Variants in ACACA observed in about 807,000 individuals in gnomAD.
ACACA encodes acetyl-CoA carboxylase 1.
A neutral mutation model predicts 296.1 loss-of-function variants in ACACA; 103 were observed. The observed-to-expected ratio is 0.35, with a 90% CI of 0.30 to 0.41. The LOEUF (loss-of-function observed/expected upper bound fraction) is 0.41, where lower values mean the gene tolerates loss of function less well. Among genes scored for constraint, ACACA ranks in the 10% least tolerant of loss-of-function variants. The pLI, the probability that ACACA is intolerant of heterozygous loss-of-function variation, is 1.00. For synonymous variants in ACACA, 953 were observed against 1,038.6 expected (o/e 0.92, Z 1.58); for missense variants, 1,554 against 2,989.7 (o/e 0.52, Z 11.20).
At chr17:37,323,102 G>A (rs2047431393) in intron 3 of ACACA, among the ~76,000 whole-genome samples, 1 of 152,240 alleles carries the variant, frequency 6.6e-6, no homozygotes, top group Non-Finnish European at 1.5e-5. Flanking sequence ...TGCTCACTTG[G>A]GCTTTCAGAG....
intron 32 of ACACA, among the ~76,000 whole-genome samples, 192 bp downstream of exon 32, chr17:37,206,590 GT>G (rs922612705): frequency 2.6e-5 from 4 of 151,814 alleles, no homozygotes; most frequent in Non-Finnish European, 5.9e-5. Flanking sequence ...AATTAATATA[GT>G]TTTTTTAAGT....
chr17:37,257,394 T>C (rs930930322), intron 14 of ACACA, among the ~76,000 whole-genome samples: 2 of 152,110 alleles, frequency 1.3e-5, no homozygotes, highest in Non-Finnish European at 2.9e-5. Context: ...CTCCCCTCAA[T>C]AACAATACTG....
At chr17:37,100,559 T>C (rs1337489465) in intron 52 of ACACA, among the ~76,000 whole-genome samples, 1 of 141,082 alleles carries the variant, frequency 7.1e-6, no homozygotes, top group Non-Finnish European at 1.5e-5. Flanking sequence ...CAGTCCAGAT[T>C]AAAAGAGACC....
intron 3 of ACACA, among the ~76,000 whole-genome samples, chr17:37,309,384 A>G (rs1462294400): frequency 1.3e-5 from 2 of 152,322 alleles, no homozygotes; most frequent in Non-Finnish European, 2.9e-5. Flanking sequence ...GTATACAGCT[A>G]TAAACAAAAT....
intron 2 of ACACA, among the ~76,000 whole-genome samples, chr17:37,338,330 T>C (rs990591756): frequency 2.0e-5 from 3 of 150,928 alleles, no homozygotes; most frequent in African/African-American, 7.3e-5. Flanking sequence ...AAGTTCAAGA[T>C]CAGCCTGCCC....
At chr17:37,111,408 G>A in intron 52 of ACACA, 123 bp downstream of exon 52, 1 of 783,890 alleles carries the variant, frequency 1.3e-6, no homozygotes. Context: ...ATAGAGGACA[G>A]TAAATAAAGA....
intron 19 of ACACA, among the ~76,000 whole-genome samples, chr17:37,245,740 C>A (rs918954442): frequency 4.6e-5 from 7 of 152,146 alleles, no homozygotes; most frequent in African/African-American, 1.7e-4. Context: ...TTGCTACATA[C>A]CTCCCTCAAG....
At chr17:37,140,550 A>G (rs1366023931) in intron 45 of ACACA, 2 of 153,616 alleles carry the variant, frequency 1.3e-5, no homozygotes, top group Non-Finnish European at 1.5e-5. Flanking sequence ...TTCTACTTAA[A>G]AAAAACAAGC....
rs2074097504 is a variant in ACACA at position 37,113,711 on chromosome 17, G to GGA, written c.6275-447_6275-446insTC. Among the ~76,000 whole-genome samples, 1 of 152,160 alleles carries GGA rather than the reference G, an allele frequency of 6.6e-6. No individual in the cohort carries two copies. The highest frequency in any genetic ancestry group is 1.5e-5 in the Non-Finnish European group (1 of 68,032). The stretch of plus-strand genomic sequence containing the variant: ...TTAGCATAGGATGAGCTCTTCAAAT[G>GGA]TGCACCTAATGGAAATTGATCCTTT... On this transcript the variant is annotated intron_variant, in intron 50 of 55. Coordinates refer to ENST00000616317, the MANE Select transcript of ACACA (RefSeq NM_198834.3). This position sits in a 1 kb window ranked among gnomAD's most constrained non-coding sequence, Gnocchi z 4.0.
At chr17:37,151,206 C>T (rs2076025219) in intron 44 of ACACA, 95 bp downstream of exon 44, 6 of 1,382,048 alleles carry the variant, frequency 4.3e-6, no homozygotes, top group Non-Finnish European at 6.1e-6. Flanking sequence ...TCAAGAAATG[C>T]TCTCATTTGG....
At chr17:37,266,498 T>C (rs866695546) in intron 10 of ACACA, among the ~76,000 whole-genome samples, 2 of 152,030 alleles carry the variant, frequency 1.3e-5, no homozygotes, top group Non-Finnish European at 2.9e-5. Context: ...TAGAAGCATC[T>C]TTCTAGCTGA....
intron 45 of ACACA, among the ~76,000 whole-genome samples, chr17:37,141,818 A>C (rs1176486878): frequency 1.3e-5 from 2 of 151,468 alleles, no homozygotes; most frequent in Non-Finnish European, 2.9e-5. Flanking sequence ...CAGCCTCCTG[A>C]GTAGCTGGGA....
Position 37,277,066 on chromosome 17 carries a change from C to G in ACACA, c.769G>C (p.Glu257Gln), listed in dbSNP as rs1361322688. 6.2e-7 allele frequency: 1 copy of G among 1,613,980 alleles called. No homozygotes were observed. Among genetic ancestry groups the G allele is most frequent in the East Asian group, 2.2e-5 (1 of 44,888 alleles). Residue 257 changes from glutamate to glutamine, a missense_variant, in exon 7 of 56, where the codon GAA (glutamate) becomes CAA (glutamine). By Grantham distance (29) the Glu-to-Gln change is conservative. Around this residue, in one of 16 missense-constraint regions of ACACA, gnomAD observed 29 missense variants for 90.3 expected, o/e 0.32. Transcript: ENST00000616317. The stretch of plus-strand genomic sequence containing the variant: ...GCAATGCCATTTTTCAAGAGAAGTT[C>G]CGGTAGTTTGGGATTCTCAGAAGCA... ...GHASENPKLPELLLKNGIAFM... is the reference protein window; with the variant it reads ...GHASENPKLPQLLLKNGIAFM...
intron 25 of ACACA, among the ~76,000 whole-genome samples, chr17:37,232,664 C>A (rs1441957163): frequency 2.0e-5 from 3 of 152,160 alleles, no homozygotes; most frequent in African/African-American, 7.2e-5. Context: ...ATATCATTAA[C>A]TTCTTGATTT....
At chr17:37,403,416 G>A (rs757706997) in intron 1 of ACACA, among the ~76,000 whole-genome samples, 6 of 147,230 alleles carry the variant, frequency 4.1e-5, no homozygotes, top group Non-Finnish European at 7.4e-5. Flanking sequence ...CTGTCACCTA[G>A]GCTGGAGTGC....
At chr17:37,268,758 T>TATATAG (rs745806560) in intron 10 of ACACA, among the ~76,000 whole-genome samples, 1 of 146,122 alleles carries the variant, frequency 6.8e-6, no homozygotes, top group Non-Finnish European at 1.5e-5. Flanking sequence ...TATATATATA[T>TATATAG]ATATATATAT....
chr17:37,336,552 G>C (rs2048127876), intron 2 of ACACA, among the ~76,000 whole-genome samples: 1 of 152,146 alleles, frequency 6.6e-6, no homozygotes. Flanking sequence ...TCTGTTGCCT[G>C]ACAGCACAGC....
rs1476009143 is a variant in ACACA, at chr17:37,161,998, C to T, written c.5132G>A (p.Gly1711Asp). The T allele has an allele frequency of 1.2e-6, 2 of 1,614,158 alleles. No homozygotes were observed. Among genetic ancestry groups the T allele is most frequent in the Non-Finnish European group, 1.7e-6 (2 of 1,180,022 alleles). ...ATTGCCAATAACAATGATATCTCGG[C>T]CTTCTGGATATTCAGGACTTTTAAA... ...MTFKSPEYPE[G>D]RDIIVIGNDI... Residue 1711 changes from glycine (G) to aspartate (D), a missense_variant, in exon 42 of 56, where the codon GGC becomes GAC. This residue lies in a region of ACACA where 553 missense variants were observed against 1,043.6 expected (regional missense o/e 0.53). Transcript: ENST00000616317.
intron 24 of ACACA, among the ~76,000 whole-genome samples, chr17:37,239,014 A>C (rs1259105122): frequency 6.6e-6 from 1 of 152,070 alleles, no homozygotes; most frequent in Non-Finnish European, 1.5e-5. Flanking sequence ...TTTTTTGTAG[A>C]GATGGGGTCT....
Sources: allele counts gnomAD v4.1 joint callset (sites outside exome capture counted in the v4.1 genomes callset), GRCh38; gene constraint gnomAD v4.1.1; regional missense constraint gnomAD v4.1.1; non-coding constraint Gnocchi (gnomAD v3.1); transcripts MANE v1.5; gene names NCBI Gene and HGNC (gene_info 2026-07-23, HGNC 2026-07-21).